The following GGT1 variants were observed in gnomAD, a reference collection of about 807,000 sequenced individuals.
GGT1 encodes glutathione hydrolase 1 proenzyme.
Under a neutral mutation model 56.0 loss-of-function variants are expected in GGT1, and 21 were observed. The ratio of observed to expected loss-of-function variants is 0.38; its 90% CI spans 0.27 to 0.54. The LOEUF (loss-of-function observed/expected upper bound fraction) is 0.54, where lower values mean the gene tolerates loss of function less well. GGT1 is among the 20% of genes least tolerant of loss of function. The pLI is 0.82. For missense variants in GGT1, 466 were observed against 787.0 expected, an observed-to-expected ratio of 0.59 and a Z score of 4.88; for synonymous variants, 238 against 342.6, an observed-to-expected ratio of 0.69 and a Z score of 3.37.
chr22:24,598,804 C>T (rs1255964924), upstream of GGT1, among the ~76,000 whole-genome samples: 2 of 152,212 alleles, frequency 1.3e-5, no homozygotes, highest in South Asian at 2.1e-4. Context: ...CCACCCACCT[C>T]GCCCTCCCAA....
upstream of GGT1, chr22:24,592,830 G>T (rs2045613398): frequency 2.4e-6 from 3 of 1,272,578 alleles, no homozygotes. Flanking sequence ...CTCCCTGGCC[G>T]CCAGCCCAGG....
chr22:24,599,169 CACTGTGGAT>C (rs1224962589), upstream of GGT1: 2 of 152,128 alleles, frequency 1.3e-5, no homozygotes, highest in Admixed American at 6.6e-5. Context: ...GATTGTTGGG[CACTGTGGAT>C]ACTGTGGAGG....
At chr22:24,589,533 T>C in the GGT1 span, 14 of 453,632 alleles carry the variant, frequency 3.1e-5, no homozygotes, top group South Asian at 5.5e-4. Context: ...TGCCCAGCTA[T>C]AGTCTTCCTG....
upstream of GGT1, chr22:24,592,789 C>T (rs1569039610): frequency 1.6e-6 from 2 of 1,266,138 alleles, no homozygotes; most frequent in Non-Finnish European, 2.0e-6. Context: ...CCCATAGCCC[C>T]GCGCCTCCCA....
At chr22:24,624,573 C>T in intron 11 of GGT1, 13 of 975,574 alleles carry the variant, frequency 1.3e-5, no homozygotes, top group Non-Finnish European at 1.6e-5. Context: ...ACTCCCGCTG[C>T]AGCCAGTGAC....
At position 24,605,317 on chromosome 22, in the gene GGT1, TG is replaced by T. The variant is rs1302329142; in HGVS notation, c.-429+1791del. On this transcript the variant is annotated intron_variant, in intron 1 of 15. Transcript: ENST00000400382. ...AATATGTATTATATATTATATAATATGTATTATATATTATATAATATGTATT... is the reference window on the plus strand; with the variant it reads ...AATATGTATTATATATTATATAATATTATTATATATTATATAATATGTATT... Among the ~76,000 whole-genome samples, 46 of 44,260 alleles carry T rather than the reference TG, an allele frequency of 1.0e-3. 1 individual carries two copies. Among genetic ancestry groups the T allele is most frequent in the African/African-American group, 2.0e-3 (12 of 5,902 alleles). 29.0% of individuals were successfully genotyped at this position (44,260 alleles called of 152,430 possible).
At chr22:24,608,642 G>A (rs1201941815) in intron 2 of GGT1, among the ~76,000 whole-genome samples, 1 of 152,174 alleles carries the variant, frequency 6.6e-6, no homozygotes, top group African/African-American at 2.4e-5. Context: ...TGGTGGAAAT[G>A]TCCTTTTGTT....
chr22:24,610,064 C>T (rs74187609), intron 3 of GGT1, 31 bp downstream of exon 3: 11 of 462,348 alleles, frequency 2.4e-5, no homozygotes, highest in Non-Finnish European at 4.9e-5. Flanking sequence ...CAGAGCAGGG[C>T]AGGCTGGCGG....
chr22:24,605,088 T>TGTAA (rs2045969989), intron 1 of GGT1, among the ~76,000 whole-genome samples: 1 of 9,706 alleles, frequency 1.0e-4, no homozygotes, highest in African/African-American at 1.2e-3. Context: ...ATAAAGTATA[T>TGTAA]TATATAATAT....
intron 9 of GGT1, 143 bp from the exon 10 acceptor site, chr22:24,622,964 T>C (rs1004412666): frequency 2.5e-6 from 2 of 810,892 alleles, no homozygotes; most frequent in Non-Finnish European, 4.0e-6. Context: ...AGTAGTGCAC[T>C]CTGTCCTCCC....
rs2047333750 is a variant in GGT1, at chr22:24,620,197, A to T, written c.383-131A>T. The T allele has an allele frequency of 4.9e-6, 6 of 1,218,290 alleles. No homozygotes were observed. Among genetic ancestry groups the T allele is most frequent in the Non-Finnish European group, 5.6e-6 (5 of 888,238 alleles). The allele number at this position is 1,218,290 out of a possible 1,614,324, so 75.5% of individuals were successfully genotyped here. On this transcript the variant is annotated intron_variant, in intron 7 of 15. Transcript: ENST00000400382. The surrounding 1 kb of genome is among the most constrained non-coding windows in gnomAD (Gnocchi z 5.6). ...AAGACCCCAACTCAAAAAAGAAAAA[A>T]AAAAAATCTTTCCTCCTAAGCCTCA...
the GGT1 span, among the ~76,000 whole-genome samples, chr22:24,586,826 C>T: frequency 9.8e-5 from 15 of 152,362 alleles, no homozygotes; most frequent in South Asian, 6.2e-4. Context: ...CCACTGCGCC[C>T]GGGCCCAAAC....
At chr22:24,592,771 G>GC (rs1401093077), upstream of GGT1, 1 of 1,284,070 alleles carries the variant, frequency 7.8e-7, no homozygotes, top group African/African-American at 1.6e-5. Flanking sequence ...GCGGATACAG[G>GC]CCCACAACCC....
intron 11 of GGT1, among the ~76,000 whole-genome samples, chr22:24,625,227 C>G (rs1339652990): frequency 1.3e-5 from 2 of 152,168 alleles, no homozygotes; most frequent in Non-Finnish European, 2.9e-5. Context: ...GGTGACACAA[C>G]CTGTTGTCCC....
chr22:24,593,996 G>A (rs1395100441), upstream of GGT1, among the ~76,000 whole-genome samples: 1 of 152,216 alleles, frequency 6.6e-6, no homozygotes, highest in Admixed American at 6.5e-5. Context: ...GGGCAAGCTG[G>A]CAGCAGGCGG....
chr22:24,618,618 C>G (rs2047215203), intron 7 of GGT1, among the ~76,000 whole-genome samples: 1 of 152,084 alleles, frequency 6.6e-6, no homozygotes, highest in Non-Finnish European at 1.5e-5. Context: ...AAAAACAAAA[C>G]AAAACAAAAA....
chr22:24,592,943 G>A (rs1162658327), upstream of GGT1: 3 of 1,226,788 alleles, frequency 2.4e-6, no homozygotes, highest in Non-Finnish European at 3.1e-6. Flanking sequence ...CGGAGCCACC[G>A]CACCCGGCGC....
At position 24,628,067 on chromosome 22, in the gene GGT1, C is replaced by G. The variant is rs776865011; in HGVS notation, c.1337-14C>G. 29 of 1,611,646 alleles carry G rather than the reference C, an allele frequency of 1.8e-5. No individual in the cohort carries two copies. The highest frequency in any genetic ancestry group is 1.9e-5 in the Non-Finnish European group (23 of 1,179,812). On this transcript the variant is annotated splice_polypyrimidine_tract_variant and intron_variant, in intron 13 of 15. Coordinates refer to ENST00000400382, the MANE Select transcript of GGT1 (RefSeq NM_001288833.2). This position sits in a 1 kb window ranked among gnomAD's most constrained non-coding sequence, Gnocchi z 5.7. ...CAGCTGACGGGCATCCCTGTCTTCT[C>G]CCATCGGCCGCAGGGAAGCAGCCGC...
the GGT1 span, chr22:24,585,833 CAT>C: frequency 4.5e-5 from 67 of 1,475,308 alleles, no homozygotes; most frequent in Middle Eastern, 3.6e-4. Context: ...CGCCCACTAT[CAT>C]GTGCTTGAGA....
Sources: allele counts gnomAD v4.1 joint callset (sites outside exome capture counted in the v4.1 genomes callset), GRCh38; gene constraint gnomAD v4.1.1; non-coding constraint Gnocchi (gnomAD v3.1); transcripts MANE v1.5; gene names NCBI Gene and HGNC (gene_info 2026-07-23, HGNC 2026-07-21).